Variants in IMMP1L observed in about 807,000 individuals in gnomAD.
IMMP1L encodes the protein inner mitochondrial membrane peptidase subunit 1, also known as mitochondrial inner membrane protease subunit 1.
A neutral mutation model predicts 21.8 loss-of-function variants in IMMP1L; 24 were observed. The ratio of observed to expected loss-of-function variants is 1.10; its 90% CI spans 0.80 to 1.55. The LOEUF (loss-of-function observed/expected upper bound fraction) is 1.55. Among genes scored for constraint, IMMP1L ranks in the 40% most tolerant of loss-of-function variants. The pLI is 0.00. For missense variants in IMMP1L, 195 were observed against 200.7 expected (o/e 0.97, Z 0.17); for synonymous variants, 46 against 62.8 (o/e 0.73, Z 1.26).
intron 1 of IMMP1L, among the ~76,000 whole-genome samples, chr11:31,482,884 A>C (rs143483078): frequency 6.6e-6 from 1 of 152,008 alleles, no homozygotes; most frequent in East Asian, 1.9e-4. Context: ...AACTCAAGAA[A>C]TACATATTAG....
intron 1 of IMMP1L, among the ~76,000 whole-genome samples, chr11:31,468,324 C>G (rs1954431053): frequency 6.6e-6 from 1 of 152,108 alleles, no homozygotes; most frequent in Non-Finnish European, 1.5e-5. Flanking sequence ...ATGACTGCAA[C>G]TTCCTTTCAT....
intron 1 of IMMP1L, among the ~76,000 whole-genome samples, chr11:31,482,803 T>G (rs1954942752): frequency 6.6e-6 from 1 of 152,012 alleles, no homozygotes; most frequent in South Asian, 2.1e-4. Context: ...TGCTTAAAGC[T>G]GAACATATAT....
intron 1 of IMMP1L, among the ~76,000 whole-genome samples, chr11:31,474,535 T>A (rs1053234901): frequency 6.6e-6 from 1 of 152,146 alleles, no homozygotes; most frequent in African/African-American, 2.4e-5. Flanking sequence ...AATCTGTTTA[T>A]TTTGAATTAA....
intron 4 of IMMP1L, 85 bp from the exon 5 acceptor site, chr11:31,433,655 G>T: frequency 1.3e-6 from 1 of 757,192 alleles, no homozygotes; most frequent in Non-Finnish European, 2.2e-6. Flanking sequence ...TCAGAGGTAG[G>T]GAGAAATGTC....
intron 1 of IMMP1L, among the ~76,000 whole-genome samples, chr11:31,496,114 C>T (rs574649234): frequency 4.2e-5 from 5 of 120,080 alleles, no homozygotes; most frequent in African/African-American, 1.9e-4. Flanking sequence ...CTCAAAAACC[C>T]GCAAAAAAAA....
In IMMP1L at chr11:31,463,249, AG is replaced by A. The variant is rs1183334013; in HGVS notation, c.27del (p.Arg11AspfsTer12). Reference sequence around the variant, plus strand: ...TGAATAGTATAGCCAACAAGTCGAAAGGTTTTCCCCAGAACACCACGAAGCA... The same window carrying A: ...TGAATAGTATAGCCAACAAGTCGAAAGTTTTCCCCAGAACACCACGAAGCA... MLRGVLGK[T>X]FRLVGYTIQY... On this transcript the variant is annotated frameshift_variant, in exon 2 of 6. Coordinates refer to ENST00000532287, the MANE Select transcript of IMMP1L (RefSeq NM_001304274.2). LOFTEE classifies it high-confidence loss of function. 6.2e-7 allele frequency: 1 copy of A among 1,612,708 alleles called. No individual in the cohort carries two copies. Among genetic ancestry groups the A allele is most frequent in the East Asian group, 2.2e-5 (1 of 44,764 alleles).
intron 1 of IMMP1L, among the ~76,000 whole-genome samples, chr11:31,489,490 TAATTACCATC>T (rs1202189050): frequency 6.6e-6 from 1 of 152,242 alleles, no homozygotes; most frequent in South Asian, 2.1e-4. Context: ...TTCACTCTAA[TAATTACCATC>T]AATTTGACTG....
intron 4 of IMMP1L, among the ~76,000 whole-genome samples, chr11:31,435,363 T>C (rs1953083651): frequency 6.6e-6 from 1 of 152,170 alleles, no homozygotes; most frequent in African/African-American, 2.4e-5. Context: ...CCCTACATTA[T>C]AACCTTTAAT....
At chr11:31,453,445 T>C (rs543033622) in intron 4 of IMMP1L, among the ~76,000 whole-genome samples, 1 of 152,284 alleles carries the variant, frequency 6.6e-6, no homozygotes, top group Non-Finnish European at 1.5e-5. Flanking sequence ...AGCAGGATCT[T>C]CATCTCATAA....
chr11:31,447,482 A>G (rs1953566050), intron 4 of IMMP1L, among the ~76,000 whole-genome samples: 1 of 152,214 alleles, frequency 6.6e-6, no homozygotes, highest in South Asian at 2.1e-4. Flanking sequence ...TTCAAGAATC[A>G]TACATAATGT....
At chr11:31,458,339 A>C (rs1230373794) in intron 3 of IMMP1L, among the ~76,000 whole-genome samples, 1 of 152,122 alleles carries the variant, frequency 6.6e-6, no homozygotes, top group African/African-American at 2.4e-5. Flanking sequence ...ACTACACAGT[A>C]AGCTTTTGAA....
At chr11:31,435,822 T>A (rs188808604) in intron 4 of IMMP1L, among the ~76,000 whole-genome samples, 1 of 152,310 alleles carries the variant, frequency 6.6e-6, no homozygotes, top group East Asian at 1.9e-4. Context: ...TTTCATGTCT[T>A]CTGAATTTTG....
chr11:31,465,050 C>A (rs924763438), intron 1 of IMMP1L, among the ~76,000 whole-genome samples: 1 of 152,078 alleles, frequency 6.6e-6, no homozygotes, highest in Non-Finnish European at 1.5e-5. Context: ...CTAAAGACTT[C>A]ACCAAAAATA....
At chr11:31,449,130 T>C (rs1028623217) in intron 4 of IMMP1L, 70 of 963,374 alleles carry the variant, frequency 7.3e-5, no homozygotes, top group Admixed American at 1.2e-4. Flanking sequence ...ACTCTAGTTG[T>C]AATAAGTGAC....
At chr11:31,455,217 G>A (rs984045193) in intron 4 of IMMP1L, among the ~76,000 whole-genome samples, 9 of 152,250 alleles carry the variant, frequency 5.9e-5, no homozygotes, top group African/African-American at 7.2e-5. Context: ...ATAAATTTAC[G>A]ATGACATTGT....
chr11:31,462,469 G>A (rs1460443345), intron 2 of IMMP1L, among the ~76,000 whole-genome samples: 1 of 151,708 alleles, frequency 6.6e-6, no homozygotes, highest in East Asian at 1.9e-4. Context: ...TTGACTGGCT[G>A]GTCAATCAAT....
At chr11:31,489,249 G>A (rs977025320) in intron 1 of IMMP1L, among the ~76,000 whole-genome samples, 5 of 152,064 alleles carry the variant, frequency 3.3e-5, no homozygotes, top group Non-Finnish European at 5.9e-5. Flanking sequence ...GTGAGTTTGC[G>A]TGTGACTTTT....
chr11:31,461,292 A>T (rs1027255831), intron 2 of IMMP1L, among the ~76,000 whole-genome samples: 1 of 152,152 alleles, frequency 6.6e-6, no homozygotes, highest in Non-Finnish European at 1.5e-5. Context: ...GATGAGATGG[A>T]CTTTAAAGAT....
At chr11:31,460,544 T>C in intron 3 of IMMP1L, 82 bp downstream of exon 3, 1 of 766,644 alleles carries the variant, frequency 1.3e-6, no homozygotes, top group Non-Finnish European at 2.2e-6. Context: ...GTTTTAAAGA[T>C]AAAGTTAAGG....
Sources: gnomAD v4.1 joint callset for allele counts (sites outside exome capture counted in the v4.1 genomes callset) on GRCh38, gnomAD v4.1.1 for gene constraint, MANE v1.5 for transcripts, NCBI Gene and HGNC (gene_info 2026-07-23, HGNC 2026-07-21) for gene names.